The following TASP1 variants were observed in gnomAD, a reference collection of about 807,000 sequenced individuals.
The protein encoded by TASP1 is threonine aspartase 1.
In TASP1, 16 loss-of-function variants were observed where a neutral mutation model predicts 56.6. That is an observed-to-expected ratio of 0.28 (90% CI 0.19 to 0.43). TASP1 has a LOEUF of 0.43. Ranked by LOEUF, TASP1 falls within the 20% of genes least tolerant of loss-of-function variation. The pLI is 1.00. For missense variants in TASP1, 393 were observed against 511.6 expected, an observed-to-expected ratio of 0.77 and a Z score of 2.24; for synonymous variants, 179 against 184.2, an observed-to-expected ratio of 0.97 and a Z score of 0.23.
At chr20:13,383,308 T>G in the TASP1 span, among the ~76,000 whole-genome samples, 4 of 152,146 alleles carry the variant, frequency 2.6e-5, no homozygotes, top group Non-Finnish European at 5.9e-5. Context: ...ACAATCTGAT[T>G]GTAGCAGTGG....
At chr20:13,586,511 CAAG>C (rs2047311775) in intron 5 of TASP1, among the ~76,000 whole-genome samples, 1 of 151,986 alleles carries the variant, frequency 6.6e-6, no homozygotes, top group African/African-American at 2.4e-5. Context: ...GAAGAGAGCA[CAAG>C]AAGTATGGAC....
intron 1 of TASP1, among the ~76,000 whole-genome samples, chr20:13,637,282 C>T (rs1186407469): frequency 1.3e-5 from 2 of 152,138 alleles, no homozygotes; most frequent in Non-Finnish European, 2.9e-5. Flanking sequence ...CCCTTATAAC[C>T]TGCTGGTGGG....
At chr20:13,387,049 G>A (rs970853832), downstream of TASP1, among the ~76,000 whole-genome samples, 4 of 151,988 alleles carry the variant, frequency 2.6e-5, no homozygotes, top group South Asian at 2.1e-4. Context: ...TCTTGGTATC[G>A]ATTGTTCCCT....
chr20:13,134,830 C>T, the TASP1 span, among the ~76,000 whole-genome samples: 1 of 152,172 alleles, frequency 6.6e-6, no homozygotes, highest in African/African-American at 2.4e-5. Context: ...AAGAGAAAAG[C>T]ATGAAATGTG....
the TASP1 span, among the ~76,000 whole-genome samples, chr20:13,225,881 G>C: frequency 6.6e-6 from 1 of 152,008 alleles, no homozygotes; most frequent in Non-Finnish European, 1.5e-5. Flanking sequence ...CATAGATATG[G>C]ATATAGATAT....
At chr20:13,586,003 T>C (rs1466543242) in intron 5 of TASP1, among the ~76,000 whole-genome samples, 1 of 150,148 alleles carries the variant, frequency 6.7e-6, no homozygotes, top group Admixed American at 6.6e-5. Context: ...GGCACTGTGG[T>C]GGGTGCCTGT....
the TASP1 span, among the ~76,000 whole-genome samples, chr20:13,129,860 T>G: frequency 1.6e-4 from 24 of 152,338 alleles, 2 homozygotes; most frequent in East Asian, 4.6e-3. Context: ...CTCTTAGCCT[T>G]ATACCTAAAG....
At chr20:13,154,222 A>C in the TASP1 span, 1 of 1,543,900 alleles carries the variant, frequency 6.5e-7, no homozygotes. Flanking sequence ...TAGATTATGC[A>C]TCTGGAATGG....
intron 10 of TASP1, among the ~76,000 whole-genome samples, chr20:13,527,730 G>A (rs2045038859): frequency 6.6e-6 from 1 of 152,080 alleles, no homozygotes. Flanking sequence ...AGGACTGAAT[G>A]TCATAAACTG....
At chr20:13,143,310 T>G in the TASP1 span, among the ~76,000 whole-genome samples, 1 of 152,148 alleles carries the variant, frequency 6.6e-6, no homozygotes, top group African/African-American at 2.4e-5. Context: ...TTTTCAATAT[T>G]TGTGAACCAT....
At chr20:13,110,659 G>A in the TASP1 span, among the ~76,000 whole-genome samples, 1 of 152,128 alleles carries the variant, frequency 6.6e-6, no homozygotes, top group African/African-American at 2.4e-5. Flanking sequence ...AACTTTGTTA[G>A]TGATTGCCAT....
the TASP1 span, among the ~76,000 whole-genome samples, chr20:13,178,136 AC>A: frequency 1.3e-5 from 2 of 152,210 alleles, no homozygotes; most frequent in Non-Finnish European, 2.9e-5. Flanking sequence ...CAAAGGGTCA[AC>A]AAATACATGA....
the TASP1 span, among the ~76,000 whole-genome samples, chr20:13,233,330 T>C: frequency 6.6e-6 from 1 of 151,942 alleles, no homozygotes. Flanking sequence ...GCGCGGTGGC[T>C]CATGCCTGTA....
chr20:13,372,560 T>C, the TASP1 span, among the ~76,000 whole-genome samples: 1 of 151,384 alleles, frequency 6.6e-6, no homozygotes, highest in Non-Finnish European at 1.5e-5. Flanking sequence ...ATTTTATATA[T>C]ATACATATAT....
the TASP1 span, among the ~76,000 whole-genome samples, chr20:13,111,704 G>A: frequency 6.6e-6 from 1 of 152,156 alleles, no homozygotes; most frequent in African/African-American, 2.4e-5. Flanking sequence ...CTGTCATTCA[G>A]GCCTAGATTC....
chr20:13,431,920 C>T lies in TASP1; in HGVS notation c.1096+3124G>A, dbSNP rs73610471. Among the ~76,000 whole-genome samples, 26 of 152,350 alleles carry T rather than the reference C, an allele frequency of 1.7e-4. No individual in the cohort carries two copies. The East Asian group carries it at 4.2e-3, about 25-fold the overall frequency. On this transcript the variant is annotated intron_variant, in intron 12 of 13. Coordinates refer to ENST00000337743, the MANE Select transcript of TASP1 (RefSeq NM_017714.3). ...ATGGGACTCTACAGATAGTCCCCGC[C>T]AGCAAGAAGGCCCTCATCACATGCA...
At chr20:13,498,678 G>A (rs922372028) in intron 10 of TASP1, among the ~76,000 whole-genome samples, 1 of 147,684 alleles carries the variant, frequency 6.8e-6, no homozygotes, top group Admixed American at 6.8e-5. Flanking sequence ...ACATACAAAT[G>A]GCCAACAAAC....
chr20:13,255,627 A>T, the TASP1 span, among the ~76,000 whole-genome samples: 1 of 152,190 alleles, frequency 6.6e-6, no homozygotes, highest in South Asian at 2.1e-4. Context: ...GACAGAAAGA[A>T]GTGCGACACT....
the TASP1 span, among the ~76,000 whole-genome samples, chr20:13,276,040 G>A: frequency 6.6e-6 from 1 of 152,200 alleles, no homozygotes; most frequent in Non-Finnish European, 1.5e-5. Flanking sequence ...TGAGAAGAGG[G>A]AATTAGATAT....
Sources: allele counts gnomAD v4.1 joint callset (sites outside exome capture counted in the v4.1 genomes callset), GRCh38; gene constraint gnomAD v4.1.1; transcripts MANE v1.5; gene names NCBI Gene and HGNC (gene_info 2026-07-23, HGNC 2026-07-21).